The following KIAA1549L variants were observed in gnomAD, a reference collection of about 807,000 sequenced individuals.
KIAA1549L encodes the protein UPF0606 protein KIAA1549L.
A neutral mutation model predicts 160.7 loss-of-function variants in KIAA1549L; 88 were observed. That is an observed-to-expected ratio of 0.55 (90% CI 0.46 to 0.65). The LOEUF is 0.65. KIAA1549L is among the 30% of genes least tolerant of loss of function. The pLI is 0.00. For missense variants in KIAA1549L, 2,258 were observed against 2,437.5 expected (o/e 0.93, Z 1.55); for synonymous variants, 950 against 976.7 (o/e 0.97, Z 0.51).
intron 13 of KIAA1549L, 107 bp from the exon 14 acceptor site, chr11:33,606,534 T>G (rs1268611133): frequency 9.3e-7 from 1 of 1,071,516 alleles, no homozygotes; most frequent in Non-Finnish European, 1.3e-6. Flanking sequence ...TTTCTGAGGT[T>G]GTTTTGAGTA....
At position 33,376,311 on chromosome 11, in the gene KIAA1549L, A is replaced by G. The variant is rs1164549148; in HGVS notation, c.-341A>G. 6.8e-6 allele frequency among the ~76,000 whole-genome samples: 1 copy of G among 147,724 alleles called. No individual in the cohort carries two copies. Among genetic ancestry groups the G allele is most frequent in the Non-Finnish European group, 1.5e-5 (1 of 66,628 alleles). On this transcript the variant is annotated 5_prime_UTR_variant, in exon 1 of 21. Coordinates refer to ENST00000658780, the MANE Select transcript of KIAA1549L (RefSeq NM_012194.3). The surrounding 1 kb of genome is among the most constrained non-coding windows in gnomAD (Gnocchi z 5.8). ...CCCGTTCCCGGCAGCCTCGCCCCCTAGTTCTGCAGGAGCCGGCCCGGGGGA... is the reference window on the plus strand; with the variant it reads ...CCCGTTCCCGGCAGCCTCGCCCCCTGGTTCTGCAGGAGCCGGCCCGGGGGA...
chr11:33,500,346 A>G (rs2133085312), intron 1 of KIAA1549L, among the ~76,000 whole-genome samples: 1 of 152,228 alleles, frequency 6.6e-6, no homozygotes, highest in African/African-American at 2.4e-5. Context: ...GTATATAAAG[A>G]CTCTCAAAAA....
intron 8 of KIAA1549L, among the ~76,000 whole-genome samples, chr11:33,564,663 C>T (rs1226701461): frequency 6.6e-6 from 1 of 152,246 alleles, no homozygotes; most frequent in Non-Finnish European, 1.5e-5. Context: ...TTTCTCCCAC[C>T]AGAGGCAAAA....
intron 19 of KIAA1549L, among the ~76,000 whole-genome samples, 177 bp from the exon 20 acceptor site, chr11:33,660,686 C>A (rs1157638351): frequency 6.6e-6 from 1 of 152,208 alleles, no homozygotes; most frequent in Non-Finnish European, 1.5e-5. Flanking sequence ...AAACTAAATT[C>A]CCCAGCAAAT....
At chr11:33,571,322 T>C (rs1046354046) in intron 9 of KIAA1549L, among the ~76,000 whole-genome samples, 2 of 151,636 alleles carry the variant, frequency 1.3e-5, no homozygotes, top group Admixed American at 1.3e-4. Flanking sequence ...GAAAAGAAAT[T>C]CATCTTGAGG....
At chr11:33,392,031 G>A (rs1243654663) in intron 1 of KIAA1549L, among the ~76,000 whole-genome samples, 1 of 152,204 alleles carries the variant, frequency 6.6e-6, no homozygotes, top group Non-Finnish European at 1.5e-5. Flanking sequence ...TCCCCATGAC[G>A]ATGACACTGT....
chr11:33,575,581 C>G (rs1277726796), intron 10 of KIAA1549L, among the ~76,000 whole-genome samples: 1 of 152,282 alleles, frequency 6.6e-6, no homozygotes, highest in East Asian at 1.9e-4. Context: ...ATAACCTGCT[C>G]GGCATCACAG....
At chr11:33,488,513 C>T (rs749791186) in intron 1 of KIAA1549L, among the ~76,000 whole-genome samples, 1 of 152,136 alleles carries the variant, frequency 6.6e-6, no homozygotes, top group Non-Finnish European at 1.5e-5. Context: ...TAATTGCTTT[C>T]CACATATCAG....
intron 8 of KIAA1549L, among the ~76,000 whole-genome samples, chr11:33,562,502 T>C (rs2133221478): frequency 6.6e-6 from 1 of 152,240 alleles, no homozygotes; most frequent in Middle Eastern, 3.4e-3. Flanking sequence ...AGCCAAGGTG[T>C]TACAGGATTG....
intron 10 of KIAA1549L, among the ~76,000 whole-genome samples, chr11:33,581,909 A>G (rs1855657765): frequency 6.6e-6 from 1 of 152,230 alleles, no homozygotes; most frequent in Non-Finnish European, 1.5e-5. Context: ...CTAAAACAAT[A>G]AAACTGGGTA....
rs1564922724 is a variant in KIAA1549L at position 33,609,931 on chromosome 11, A to G, written c.5244A>G (p.Ser1748=). 6.2e-7 allele frequency: 1 copy of G among 1,613,998 alleles called. No individual in the cohort carries two copies. The highest frequency in any genetic ancestry group is 8.5e-7 in the Non-Finnish European group (1 of 1,179,864). Residue 1748 remains serine (S), a synonymous_variant, in exon 15 of 21, where the codon TCA becomes TCG. Transcript: ENST00000658780. ...TGGAGCATGTTTTGGATCCAGATTC[A>G]GAACTCTGTGCTCCATTCACCGAGT... ...KEMEHVLDPD[S]ELCAPFTESK...
chr11:33,509,244 T>A (rs548485646), intron 1 of KIAA1549L, among the ~76,000 whole-genome samples: 2 of 152,318 alleles, frequency 1.3e-5, no homozygotes, highest in South Asian at 4.1e-4. Flanking sequence ...CTTCCCTCCA[T>A]GGTTTGCAAA....
At chr11:33,494,367 A>T (rs781150068) in intron 1 of KIAA1549L, among the ~76,000 whole-genome samples, 2 of 152,230 alleles carry the variant, frequency 1.3e-5, no homozygotes, top group Non-Finnish European at 2.9e-5. Context: ...TTATACCACC[A>T]ACACAGAGTG....
At chr11:33,507,590 G>A (rs2756273) in intron 1 of KIAA1549L, among the ~76,000 whole-genome samples, 106,696 of 151,942 alleles carry the variant, frequency 0.7, 38,030 homozygotes, top group African/African-American at 0.83. Context: ...GCCGTTTTTG[G>A]TTCTCAGTCT....
intron 6 of KIAA1549L, among the ~76,000 whole-genome samples, chr11:33,554,533 G>T (rs1854580751): frequency 6.6e-6 from 1 of 152,232 alleles, no homozygotes. Flanking sequence ...CTCTGCACGG[G>T]CATTGTCCGT....
intron 3 of KIAA1549L, 26 bp downstream of exon 3, chr11:33,545,404 A>C (rs1474943147): frequency 1.3e-6 from 2 of 1,581,444 alleles, no homozygotes; most frequent in Non-Finnish European, 1.7e-6. Context: ...TCTGATCTGA[A>C]AGCAGCAAGC....
At chr11:33,483,342 C>A (rs2133052147) in intron 1 of KIAA1549L, among the ~76,000 whole-genome samples, 1 of 152,200 alleles carries the variant, frequency 6.6e-6, no homozygotes, top group Non-Finnish European at 1.5e-5. Flanking sequence ...GTTCTGGGCG[C>A]CCTTTGGGAA....
chr11:33,658,175 G>C (rs571803674), intron 18 of KIAA1549L, among the ~76,000 whole-genome samples: 23 of 152,318 alleles, frequency 1.5e-4, no homozygotes, highest in Middle Eastern at 3.4e-3. Flanking sequence ...TTGATTCTCT[G>C]ATTGCCCGGG....
chr11:33,467,890 G>T (rs755971728), intron 1 of KIAA1549L, among the ~76,000 whole-genome samples: 1 of 152,172 alleles, frequency 6.6e-6, no homozygotes, highest in Non-Finnish European at 1.5e-5. Flanking sequence ...AAAAGAAAGA[G>T]AAAAAGAACA....
Sources: allele counts gnomAD v4.1 joint callset (sites outside exome capture counted in the v4.1 genomes callset), GRCh38; gene constraint gnomAD v4.1.1; non-coding constraint Gnocchi (gnomAD v3.1); transcripts MANE v1.5; gene names NCBI Gene and HGNC (gene_info 2026-07-23, HGNC 2026-07-21).